The following FHIT variants were observed in gnomAD, a reference collection of about 807,000 sequenced individuals.
FHIT encodes the protein fragile histidine triad diadenosine triphosphatase.
In FHIT, 19 loss-of-function variants were observed where a neutral mutation model predicts 17.9. The observed-to-expected ratio is 1.06, with a 90% CI of 0.74 to 1.56. The LOEUF is 1.56. FHIT is among the 40% of genes most tolerant of loss of function. The pLI is 0.00. For synonymous variants in FHIT, 81 were observed against 69.7 expected, an observed-to-expected ratio of 1.16 and a Z score of -0.81; for missense variants, 248 against 189.2, an observed-to-expected ratio of 1.31 and a Z score of -1.82.
intron 2 of FHIT, among the ~76,000 whole-genome samples, chr3:61,056,328 A>C (rs2034220449): frequency 6.6e-6 from 1 of 152,244 alleles, no homozygotes; most frequent in Admixed American, 6.5e-5. Context: ...AAAGGAAGCG[A>C]GGTTGAAGAG....
At chr3:60,204,416 C>T (rs964953183) in intron 5 of FHIT, among the ~76,000 whole-genome samples, 56 of 151,462 alleles carry the variant, frequency 3.7e-4, no homozygotes, top group African/African-American at 1.2e-3. Flanking sequence ...ATTACAAGCA[C>T]GCATCACCAT....
intron 7 of FHIT, among the ~76,000 whole-genome samples, chr3:59,981,266 G>A (rs895833126): frequency 6.6e-6 from 1 of 151,964 alleles, no homozygotes; most frequent in Non-Finnish European, 1.5e-5. Context: ...TAACTCAAAG[G>A]ATTAAAATTT....
intron 5 of FHIT, among the ~76,000 whole-genome samples, chr3:60,122,863 A>G (rs556208207): frequency 6.5e-4 from 99 of 152,344 alleles, no homozygotes; most frequent in Admixed American, 1.8e-3. Flanking sequence ...CTTTTACTGC[A>G]CAAGTAGCAA....
chr3:60,066,371 T>C (rs115889140), intron 5 of FHIT, among the ~76,000 whole-genome samples: 63 of 152,292 alleles, frequency 4.1e-4, no homozygotes, highest in Middle Eastern at 6.8e-3. Flanking sequence ...TTAGGTTTTA[T>C]TGAAAGTGAG....
intron 8 of FHIT, among the ~76,000 whole-genome samples, chr3:59,831,730 G>T (rs746384443): frequency 1.3e-5 from 2 of 152,068 alleles, no homozygotes; most frequent in Non-Finnish European, 2.9e-5. Context: ...CAGTGGAATA[G>T]GGAATGGGGG....
At chr3:60,412,922 C>G (rs544081781) in intron 5 of FHIT, among the ~76,000 whole-genome samples, 19 of 152,274 alleles carry the variant, frequency 1.2e-4, no homozygotes, top group African/African-American at 3.8e-4. Flanking sequence ...CTTTCTCTCA[C>G]CTGCCACCAT....
intron 8 of FHIT, among the ~76,000 whole-genome samples, chr3:59,803,200 C>T (rs1575521160): frequency 6.6e-6 from 1 of 152,156 alleles, no homozygotes; most frequent in East Asian, 1.9e-4. Context: ...AAGCTCAGTA[C>T]ATTAATTATC....
chr3:60,904,545 A>T (rs1553764023), intron 3 of FHIT, among the ~76,000 whole-genome samples: 1 of 152,158 alleles, frequency 6.6e-6, no homozygotes, highest in African/African-American at 2.4e-5. Context: ...AAATTTGCAT[A>T]GCAAAAAATA....
chr3:60,636,755 G>C (rs1553683999), intron 4 of FHIT, among the ~76,000 whole-genome samples: 1 of 152,168 alleles, frequency 6.6e-6, no homozygotes, highest in Non-Finnish European at 1.5e-5. Flanking sequence ...AAAAAAGTGA[G>C]TCCTTCACAG....
chr3:60,481,228 G>A (rs766326375), intron 5 of FHIT, among the ~76,000 whole-genome samples: 13 of 152,238 alleles, frequency 8.5e-5, no homozygotes, highest in Middle Eastern at 6.8e-3. Context: ...TGGGAAGAAC[G>A]GAAACAAGCT....
intron 4 of FHIT, among the ~76,000 whole-genome samples, chr3:60,789,290 G>A (rs9311780): frequency 0.14 from 21,361 of 151,716 alleles, 1,725 homozygotes; most frequent in African/African-American, 0.22. Flanking sequence ...AGGCCAAGGC[G>A]GGTAGATCAC....
intron 4 of FHIT, among the ~76,000 whole-genome samples, chr3:60,710,783 G>C (rs573296737): frequency 1.3e-5 from 2 of 152,216 alleles, no homozygotes; most frequent in Non-Finnish European, 1.5e-5. Flanking sequence ...CTCCAACTGG[G>C]TGGAGCCCAT....
intron 8 of FHIT, among the ~76,000 whole-genome samples, chr3:59,863,189 T>C (rs934894441): frequency 6.6e-6 from 1 of 152,134 alleles, no homozygotes; most frequent in Non-Finnish European, 1.5e-5. Flanking sequence ...AGTTACCCAC[T>C]CCCTCTCAGC....
At chr3:60,541,608 G>C (rs1030499665) in intron 4 of FHIT, among the ~76,000 whole-genome samples, 1 of 152,208 alleles carries the variant, frequency 6.6e-6, no homozygotes, top group Non-Finnish European at 1.5e-5. Context: ...TCAAAGGCAA[G>C]GACATCCTTC....
rs1703238228 is a variant in FHIT at position 60,207,220 on chromosome 3, GA to G, written c.104-193069del. Among the ~76,000 whole-genome samples, 3 of 151,904 alleles carry G rather than the reference GA, an allele frequency of 2.0e-5. No homozygotes were observed. In the South Asian group the frequency reaches 6.3e-4, roughly 32 times the overall value. The stretch of plus-strand genomic sequence containing the variant: ...AATAAACATCCAGAAAAAAAGAGGG[GA>G]AAAAGTCAATATAAAAATTTAGAAA... On this transcript the variant is annotated intron_variant, in intron 5 of 9. Transcript: ENST00000492590.
At chr3:59,907,710 A>T (rs1022307742) in intron 8 of FHIT, among the ~76,000 whole-genome samples, 3 of 152,204 alleles carry the variant, frequency 2.0e-5, no homozygotes, top group Admixed American at 2.0e-4. Context: ...TCTATTTGCT[A>T]CTATAACAAA....
chr3:59,869,639 G>A (rs1474809209), intron 8 of FHIT, among the ~76,000 whole-genome samples: 6 of 127,296 alleles, frequency 4.7e-5, no homozygotes, highest in Non-Finnish European at 9.9e-5. Flanking sequence ...CCGCCACCAC[G>A]CCCAGCTAAT....
intron 2 of FHIT, among the ~76,000 whole-genome samples, chr3:61,051,505 T>C (rs2034026710): frequency 6.6e-6 from 1 of 152,082 alleles, no homozygotes. Context: ...CACCTCAGCC[T>C]CCCAAAGTTC....
At chr3:60,602,677 G>A (rs994396658) in intron 4 of FHIT, among the ~76,000 whole-genome samples, 5 of 152,108 alleles carry the variant, frequency 3.3e-5, no homozygotes, top group African/African-American at 9.7e-5. Flanking sequence ...AAAACAGAAT[G>A]AGGATGTTAT....
Sources: gnomAD v4.1 joint callset for allele counts (sites outside exome capture counted in the v4.1 genomes callset) on GRCh38, gnomAD v4.1.1 for gene constraint, MANE v1.5 for transcripts, NCBI Gene and HGNC (gene_info 2026-07-23, HGNC 2026-07-21) for gene names.